The following MARCHF1 variants were observed in gnomAD, a reference collection of about 807,000 sequenced individuals.
MARCHF1 encodes E3 ubiquitin-protein ligase MARCHF1.
A neutral mutation model predicts 54.2 loss-of-function variants in MARCHF1; 40 were observed. The ratio of observed to expected loss-of-function variants is 0.74; its 90% CI spans 0.57 to 0.96. The LOEUF (loss-of-function observed/expected upper bound fraction) is 0.96, where lower values mean the gene tolerates loss of function less well. Ranked by LOEUF, MARCHF1 falls within the 40% of genes least tolerant of loss-of-function variation. The probability of loss-of-function intolerance (pLI) is 0.00; values close to 1 mark genes in which losing one functional copy is unlikely to be tolerated. For synonymous variants in MARCHF1, 236 were observed against 236.3 expected, an observed-to-expected ratio of 1.00 and a Z score of 0.01; for missense variants, 586 against 656.5, an observed-to-expected ratio of 0.89 and a Z score of 1.17.
chr4:163,716,365 A>G (rs531861411), intron 4 of MARCHF1, among the ~76,000 whole-genome samples: 1 of 152,310 alleles, frequency 6.6e-6, no homozygotes, highest in African/African-American at 2.4e-5. Context: ...TCCTGAGTAT[A>G]CACAAGGGTC....
At chr4:164,307,373 G>C (rs745736183) in intron 1 of MARCHF1, among the ~76,000 whole-genome samples, 15 of 152,324 alleles carry the variant, frequency 9.8e-5, no homozygotes, top group African/African-American at 3.4e-4. Context: ...CTGAGCACAA[G>C]AATGAGGGAC....
At chr4:163,809,842 AAAT>A (rs1454732004) in intron 4 of MARCHF1, among the ~76,000 whole-genome samples, 1 of 152,198 alleles carries the variant, frequency 6.6e-6, no homozygotes, top group African/African-American at 2.4e-5. Context: ...TGTATCATCT[AAAT>A]AATGAAGAAA....
intron 1 of MARCHF1, among the ~76,000 whole-genome samples, chr4:164,300,445 C>T: frequency 6.6e-6 from 1 of 152,126 alleles, no homozygotes; most frequent in East Asian, 1.9e-4. Context: ...ACTAAATCTC[C>T]CCTATAGGCC....
At chr4:163,569,369 A>AG (rs748586951) in intron 8 of MARCHF1, among the ~76,000 whole-genome samples, 5 of 151,910 alleles carry the variant, frequency 3.3e-5, no homozygotes, top group East Asian at 1.9e-4. Context: ...TTGAAGTGGG[A>AG]GGGGGGATTA....
Position 164,189,541 on chromosome 4 carries a change from C to T in MARCHF1, c.-322-77879G>A, listed in dbSNP as rs1462936074. 1.5e-5 allele frequency: 13 copies of T among 862,760 alleles called. No homozygotes were observed. In the Middle Eastern group the frequency reaches 6.7e-4, roughly 45 times the overall value. 53.4% of individuals were successfully genotyped at this position (862,760 alleles called of 1,614,324 possible). On this transcript the variant is annotated intron_variant, in intron 1 of 9. Transcript: ENST00000514618. ...CAAGGAGTCCTCCCATGGCATAAAC[C>T]CAGATGAAGCTGTAGTGCATGGTGC...
At chr4:163,727,344 G>A (rs1745689992) in intron 4 of MARCHF1, among the ~76,000 whole-genome samples, 1 of 145,330 alleles carries the variant, frequency 6.9e-6, no homozygotes, top group South Asian at 2.1e-4. Context: ...GTCTCGCTCT[G>A]TCGCCCAGGC....
At chr4:163,715,431 A>G (rs1301775236) in intron 4 of MARCHF1, among the ~76,000 whole-genome samples, 1 of 152,160 alleles carries the variant, frequency 6.6e-6, no homozygotes, top group Non-Finnish European at 1.5e-5. Flanking sequence ...AAGAGGTTGC[A>G]AGAACAGTGG....
At chr4:164,306,804 G>A (rs762694595) in intron 1 of MARCHF1, among the ~76,000 whole-genome samples, 42 of 151,986 alleles carry the variant, frequency 2.8e-4, no homozygotes, top group Non-Finnish European at 8.8e-5. Flanking sequence ...TCAAAAAGAC[G>A]ATATAAATTT....
chr4:163,786,136 A>T (rs190049441), intron 4 of MARCHF1, among the ~76,000 whole-genome samples: 1 of 151,994 alleles, frequency 6.6e-6, no homozygotes, highest in East Asian at 1.9e-4. Flanking sequence ...TGATATTAGG[A>T]CTCCTGACCT....
intron 8 of MARCHF1, among the ~76,000 whole-genome samples, chr4:163,554,947 T>C (rs989498455): frequency 1.4e-4 from 21 of 152,218 alleles, no homozygotes; most frequent in Admixed American, 4.6e-4. Flanking sequence ...CTTGTCTTGA[T>C]CTCTCACTGG....
At chr4:164,342,044 A>G (rs537334121) in intron 1 of MARCHF1, among the ~76,000 whole-genome samples, 1 of 152,348 alleles carries the variant, frequency 6.6e-6, no homozygotes, top group South Asian at 2.1e-4. Flanking sequence ...AAATGTTTGC[A>G]AACCCCGTAT....
In MARCHF1 at chr4:164,358,381, A is replaced by G. The variant is rs193164775; in HGVS notation, c.-323+25489T>C. 7.7e-4 allele frequency among the ~76,000 whole-genome samples: 118 copies of G among 152,304 alleles called. 2 individuals carry two copies. The highest frequency in any genetic ancestry group is 2.8e-3 in the African/African-American group (116 of 41,576). ...AACTTATTTTGAATATGAGCTATCC[A>G]AGGAAGTTTTCTTTGCACCAGAGAA... On this transcript the variant is annotated intron_variant, in intron 1 of 9. Coordinates refer to ENST00000514618, the MANE Select transcript of MARCHF1 (RefSeq NM_001394959.1).
intron 3 of MARCHF1, among the ~76,000 whole-genome samples, chr4:163,964,873 T>A (rs542568128): frequency 6.6e-6 from 1 of 151,978 alleles, no homozygotes; most frequent in African/African-American, 2.4e-5. Flanking sequence ...TGGATTGAGA[T>A]TGTGCTTGAT....
chr4:164,016,620 A>G (rs902518868), intron 2 of MARCHF1, among the ~76,000 whole-genome samples: 10 of 152,256 alleles, frequency 6.6e-5, no homozygotes, highest in African/African-American at 2.2e-4. Context: ...TAACTCATGG[A>G]GATAAGGAGT....
chr4:164,156,495 C>T (rs1262475901), intron 1 of MARCHF1, among the ~76,000 whole-genome samples: 2 of 152,144 alleles, frequency 1.3e-5, no homozygotes, highest in African/African-American at 4.8e-5. Flanking sequence ...ACCATCTCTG[C>T]TCACTGCAAC....
intron 3 of MARCHF1, among the ~76,000 whole-genome samples, chr4:163,906,884 A>T (rs1751080905): frequency 6.6e-6 from 1 of 151,784 alleles, no homozygotes; most frequent in African/African-American, 2.4e-5. Flanking sequence ...ATGTTATTGT[A>T]TGCTTTTGAG....
chr4:163,825,770 AT>A (rs550865980), intron 4 of MARCHF1, among the ~76,000 whole-genome samples: 45 of 149,744 alleles, frequency 3.0e-4, no homozygotes, highest in African/African-American at 6.4e-4. Flanking sequence ...TTCTCACCCA[AT>A]TTTTTTTTTC....
intron 1 of MARCHF1, among the ~76,000 whole-genome samples, chr4:164,269,459 C>CT (rs1166699045): frequency 6.6e-6 from 1 of 152,078 alleles, no homozygotes; most frequent in Non-Finnish European, 1.5e-5. Flanking sequence ...GCATAGACTT[C>CT]TTTTTGTCTT....
At chr4:163,654,903 A>G (rs1418408978) in intron 5 of MARCHF1, among the ~76,000 whole-genome samples, 1 of 151,318 alleles carries the variant, frequency 6.6e-6, no homozygotes, top group African/African-American at 2.4e-5. Context: ...ATAGATCTCT[A>G]TTTATTTCTA....
Sources: gnomAD v4.1 joint callset for allele counts (sites outside exome capture counted in the v4.1 genomes callset) on GRCh38, gnomAD v4.1.1 for gene constraint, MANE v1.5 for transcripts, NCBI Gene and HGNC (gene_info 2026-07-23, HGNC 2026-07-21) for gene names.